The following PCDH7 variants were observed in gnomAD, a reference collection of about 807,000 sequenced individuals.
PCDH7 encodes the protein protocadherin-7.
Under a neutral mutation model 58.9 loss-of-function variants are expected in PCDH7, and 17 were observed. That is an observed-to-expected ratio of 0.29 (90% confidence interval 0.20 to 0.43). PCDH7 has a LOEUF of 0.43. Among genes scored for constraint, PCDH7 ranks in the 20% least tolerant of loss-of-function variants. PCDH7 has a pLI of 1.00. For missense variants in PCDH7, 1,274 were observed against 1,441.0 expected, an observed-to-expected ratio of 0.88 and a Z score of 1.88; for synonymous variants, 664 against 616.4, an observed-to-expected ratio of 1.08 and a Z score of -1.14.
rs989534951 is a variant in PCDH7 at position 31,122,143 on chromosome 4, C to A, written c.*8-20330C>A. ...CAAATTTCATGAATAATATATAACT[C>A]ATCAGATACTTCTTAGATCATCTTA... On this transcript the variant is annotated intron_variant, in intron 3 of 3. Transcript: ENST00000509759. Among the ~76,000 whole-genome samples the A allele has an allele frequency of 2.6e-5, 4 of 152,062 alleles. No homozygotes were observed. The East Asian group carries it at 7.7e-4, about 29-fold the overall frequency.
chr4:30,937,419 A>C (rs879490532), intron 2 of PCDH7, among the ~76,000 whole-genome samples: 2 of 152,078 alleles, frequency 1.3e-5, no homozygotes, highest in Non-Finnish European at 2.9e-5. Flanking sequence ...AGTCTTGGTC[A>C]CAAATATTTT....
At chr4:31,045,898 C>G (rs1756245022) in intron 3 of PCDH7, among the ~76,000 whole-genome samples, 1 of 151,934 alleles carries the variant, frequency 6.6e-6, no homozygotes, top group South Asian at 2.1e-4. Flanking sequence ...GTAGCTGGTG[C>G]CAAATTTCAG....
intron 1 of PCDH7, among the ~76,000 whole-genome samples, chr4:30,767,206 G>C (rs1168683157): frequency 6.6e-6 from 1 of 152,196 alleles, no homozygotes; most frequent in Non-Finnish European, 1.5e-5. Flanking sequence ...TTCAATAGCA[G>C]GGTATGGATT....
chr4:31,039,619 A>C (rs1755684737), intron 3 of PCDH7, among the ~76,000 whole-genome samples: 1 of 152,150 alleles, frequency 6.6e-6, no homozygotes, highest in African/African-American at 2.4e-5. Flanking sequence ...AGCTCCCAAT[A>C]GCCACTGCTG....
chr4:31,026,863 G>A (rs1480924469), intron 3 of PCDH7, among the ~76,000 whole-genome samples: 1 of 152,146 alleles, frequency 6.6e-6, no homozygotes, highest in Non-Finnish European at 1.5e-5. Context: ...TGCATTCAGT[G>A]ATGTCACAAA....
At chr4:30,778,917 G>A (rs1376042708) in intron 1 of PCDH7, among the ~76,000 whole-genome samples, 1 of 147,444 alleles carries the variant, frequency 6.8e-6, no homozygotes, top group Non-Finnish European at 1.5e-5. Context: ...TATTGAACAT[G>A]TCCTGTCACA....
At chr4:30,956,373 A>T (rs116779141) in intron 3 of PCDH7, among the ~76,000 whole-genome samples, 2 of 152,228 alleles carry the variant, frequency 1.3e-5, no homozygotes, top group African/African-American at 2.4e-5. Context: ...GAATTTTAAC[A>T]TAAGCCATCT....
At chr4:30,830,346 G>A (rs1336182697) in intron 1 of PCDH7, among the ~76,000 whole-genome samples, 1 of 151,950 alleles carries the variant, frequency 6.6e-6, no homozygotes, top group Non-Finnish European at 1.5e-5. Flanking sequence ...AGTGTAATTA[G>A]CAATCAAAAG....
At chr4:30,878,008 A>G (rs1220997569) in intron 1 of PCDH7, among the ~76,000 whole-genome samples, 1 of 152,194 alleles carries the variant, frequency 6.6e-6, no homozygotes, top group Non-Finnish European at 1.5e-5. Context: ...ATAGGCTTAT[A>G]TCAGAAGAAA....
intron 1 of PCDH7, among the ~76,000 whole-genome samples, chr4:30,789,783 A>G (rs940038046): frequency 6.6e-6 from 1 of 152,188 alleles, no homozygotes; most frequent in African/African-American, 2.4e-5. Context: ...ATTTTGTCCC[A>G]TTAATTCCTT....
chr4:30,739,449 T>TATATATATATA (rs1560318185), intron 1 of PCDH7, among the ~76,000 whole-genome samples: 1,850 of 152,006 alleles, frequency 0.012, 26 homozygotes, highest in African/African-American at 0.042. Context: ...ATATATTTTT[T>TATATATATATA]AAATTGCATC....
chr4:30,752,061 A>G (rs1357215727), intron 1 of PCDH7, among the ~76,000 whole-genome samples: 1 of 152,156 alleles, frequency 6.6e-6, no homozygotes, highest in Admixed American at 6.6e-5. Flanking sequence ...GAATATGTCT[A>G]GGTAGTTCCT....
In PCDH7 at chr4:30,885,892, G is replaced by T. The variant is rs1198224603; in HGVS notation, c.71-34261G>T. Among the ~76,000 whole-genome samples, 5 of 152,252 alleles carry T rather than the reference G, an allele frequency of 3.3e-5. No homozygotes were observed. In the East Asian group the frequency reaches 9.7e-4, roughly 29 times the overall value. On this transcript the variant is annotated intron_variant, in intron 1 of 3. Coordinates refer to the PCDH7 transcript ENST00000509759. ...GGGCAAAGGATTCCCTATTTAATAA[G>T]TGGTGCTGGGAAAACTGGCTGGCCA... is the stretch of plus-strand genomic sequence containing the variant.
intron 1 of PCDH7, among the ~76,000 whole-genome samples, chr4:30,904,539 A>C (rs1740664872): frequency 6.6e-6 from 1 of 152,124 alleles, no homozygotes; most frequent in South Asian, 2.1e-4. Context: ...TGCAACCTTA[A>C]TTCCCCTTTG....
At chr4:30,959,757 A>G (rs1003704213) in intron 3 of PCDH7, among the ~76,000 whole-genome samples, 3 of 152,266 alleles carry the variant, frequency 2.0e-5, no homozygotes, top group Admixed American at 1.3e-4. Context: ...GTTGCCTTTT[A>G]TCTTAGTTTA....
chr4:30,843,928 T>G (rs951184192), intron 1 of PCDH7, among the ~76,000 whole-genome samples: 7 of 151,434 alleles, frequency 4.6e-5, no homozygotes, highest in Admixed American at 3.3e-4. Flanking sequence ...AAAAATAAAA[T>G]AAAAATAAAA....
chr4:30,923,246 A>C (rs1743417249), intron 2 of PCDH7, among the ~76,000 whole-genome samples: 1 of 152,178 alleles, frequency 6.6e-6, no homozygotes, highest in African/African-American at 2.4e-5. Flanking sequence ...TTTAGAAGAT[A>C]ATTTCTAGTG....
chr4:31,089,928 A>G (rs2109282832), intron 3 of PCDH7, among the ~76,000 whole-genome samples: 1 of 152,272 alleles, frequency 6.6e-6, no homozygotes. Flanking sequence ...CAGGCCCCAG[A>G]TAACTTAGTA....
intron 3 of PCDH7, among the ~76,000 whole-genome samples, chr4:30,993,214 A>G (rs1191859668): frequency 6.6e-6 from 1 of 152,194 alleles, no homozygotes; most frequent in Non-Finnish European, 1.5e-5. Context: ...GCTAAGGTAT[A>G]TGCCTACCTA....
Sources: gnomAD v4.1 joint callset for allele counts (sites outside exome capture counted in the v4.1 genomes callset) on GRCh38, gnomAD v4.1.1 for gene constraint, MANE v1.5 for transcripts, NCBI Gene and HGNC (gene_info 2026-07-23, HGNC 2026-07-21) for gene names.